TNRC6C: variants seen among roughly 807,000 people sequenced by gnomAD.
TNRC6C encodes trinucleotide repeat containing adaptor 6C, also known as trinucleotide repeat-containing gene 6C protein.
Under a neutral mutation model 153.7 loss-of-function variants are expected in TNRC6C, and 20 were observed. The observed-to-expected ratio is 0.13, with a 90% CI of 0.09 to 0.19. The LOEUF (loss-of-function observed/expected upper bound fraction) is 0.19, where lower values mean the gene tolerates loss of function less well. Ranked by LOEUF, TNRC6C falls within the 10% of genes least tolerant of loss-of-function variation. The probability of loss-of-function intolerance (pLI) is 1.00; values close to 1 mark genes in which losing one functional copy is unlikely to be tolerated. For missense variants in TNRC6C, 1,987 were observed against 2,172.0 expected (o/e 0.91, Z 1.69); for synonymous variants, 811 against 841.4 (o/e 0.96, Z 0.63).
chr17:77,992,857 A>C (rs2071272725), intron 1 of TNRC6C, among the ~76,000 whole-genome samples: 1 of 152,234 alleles, frequency 6.6e-6, no homozygotes, highest in African/African-American at 2.4e-5. Context: ...GAATTGAATC[A>C]AATAGTAAAA....
chr17:78,090,086 G>C (rs774885440), intron 13 of TNRC6C, among the ~76,000 whole-genome samples: 12 of 152,240 alleles, frequency 7.9e-5, no homozygotes, highest in Non-Finnish European at 1.5e-4. Context: ...AGGCAGCCCT[G>C]TGGCACTGAT....
At chr17:78,091,658 C>T (rs552158749) in intron 14 of TNRC6C, 51 bp downstream of exon 16, 143 of 1,382,286 alleles carry the variant, frequency 1.0e-4, no homozygotes, top group Non-Finnish European at 1.2e-4. Context: ...GCTTATTAAT[C>T]GATCGTCCTG....
chr17:78,084,818 A>G (rs1404177811), intron 11 of TNRC6C, among the ~76,000 whole-genome samples: 1 of 151,950 alleles, frequency 6.6e-6, no homozygotes, highest in East Asian at 1.9e-4. Context: ...TAGTAGAGAC[A>G]GGGTTTCACC....
At chr17:78,060,522 G>C (rs1445033851) in intron 3 of TNRC6C, among the ~76,000 whole-genome samples, 1 of 147,178 alleles carries the variant, frequency 6.8e-6, no homozygotes, top group Non-Finnish European at 1.5e-5. Flanking sequence ...GCCCAGGCTG[G>C]AGTGCAGTGG....
chr17:78,025,984 T>C (rs1329820962), intron 1 of TNRC6C, among the ~76,000 whole-genome samples: 1 of 152,172 alleles, frequency 6.6e-6, no homozygotes, highest in Non-Finnish European at 1.5e-5. Context: ...AACCTTTCAT[T>C]TCCAGATGAG....
At chr17:78,036,043 C>CA (rs1416097653) in intron 2 of TNRC6C, among the ~76,000 whole-genome samples, 5 of 152,062 alleles carry the variant, frequency 3.3e-5, no homozygotes, top group African/African-American at 7.2e-5. Context: ...AAAAGAAGTA[C>CA]AAATGCTGGG....
At position 78,075,724 on chromosome 17, in the gene TNRC6C, C is replaced by T. The variant is rs2073072765; in HGVS notation, c.3060+446C>T. Among the ~76,000 whole-genome samples, 1 of 152,240 alleles carries T rather than the reference C, an allele frequency of 6.6e-6. No homozygotes were observed. Among genetic ancestry groups the T allele is most frequent in the Non-Finnish European group, 1.5e-5 (1 of 68,036 alleles). On this transcript the variant is annotated intron_variant, in intron 8 of 19. Transcript: ENST00000301624. The surrounding 1 kb of genome is among the most constrained non-coding windows in gnomAD (Gnocchi z 4.2). ...CAGTTGGCCACATGAGTGACCACAGCTGGCATCTGTGGAAAACGCCCTGAA... is the reference window on the plus strand; with the variant it reads ...CAGTTGGCCACATGAGTGACCACAGTTGGCATCTGTGGAAAACGCCCTGAA...
intron 3 of TNRC6C, among the ~76,000 whole-genome samples, chr17:78,051,850 G>T (rs554646523): frequency 6.6e-6 from 1 of 152,298 alleles, no homozygotes; most frequent in Non-Finnish European, 1.5e-5. Context: ...AGATGACTGT[G>T]TCAGTTCACT....
intron 4 of TNRC6C, chr17:78,066,656 T>A (rs546946260): frequency 6.6e-6 from 1 of 152,210 alleles, no homozygotes; most frequent in Non-Finnish European, 1.5e-5. Flanking sequence ...TTTGGGGTAA[T>A]TTTGATACCG....
At chr17:77,976,829 T>C (rs1412874957) in intron 1 of TNRC6C, among the ~76,000 whole-genome samples, 1 of 147,498 alleles carries the variant, frequency 6.8e-6, no homozygotes, top group Non-Finnish European at 1.5e-5. Context: ...TTGGGGAGGC[T>C]GAGGCAGGAG....
chr17:78,097,693 A>C, intron 16 of TNRC6C, 52 bp from the exon 19 acceptor site: 1 of 1,350,042 alleles, frequency 7.4e-7, no homozygotes, highest in Non-Finnish European at 1.0e-6. Context: ...AGTTAGAGTC[A>C]TGAACCCGGA....
chr17:77,968,822 A>G (rs1414961745), intron 1 of TNRC6C, among the ~76,000 whole-genome samples: 1 of 152,238 alleles, frequency 6.6e-6, no homozygotes, highest in African/African-American at 2.4e-5. Flanking sequence ...GAACACTCAC[A>G]AAAGTTCTCA....
At chr17:78,043,651 T>C (rs1264346966) in intron 2 of TNRC6C, among the ~76,000 whole-genome samples, 1 of 152,228 alleles carries the variant, frequency 6.6e-6, no homozygotes, top group Non-Finnish European at 1.5e-5. Flanking sequence ...CCTGTTATGC[T>C]AGTAATTACT....
intron 5 of TNRC6C, among the ~76,000 whole-genome samples, chr17:78,068,479 C>G (rs576478481): frequency 8.5e-5 from 13 of 152,180 alleles, no homozygotes; most frequent in Non-Finnish European, 1.9e-4. Context: ...AAGTTTGAGA[C>G]AGATGGTTAA....
chr17:78,009,326 T>A (rs2071580077), intron 1 of TNRC6C, among the ~76,000 whole-genome samples: 1 of 152,132 alleles, frequency 6.6e-6, no homozygotes, highest in Non-Finnish European at 1.5e-5. Flanking sequence ...GAGCCTAAGT[T>A]TTCAGTATTG....
chr17:78,006,491 CTTTCTT>C (rs1197124052), intron 1 of TNRC6C, among the ~76,000 whole-genome samples: 9 of 134,714 alleles, frequency 6.7e-5, no homozygotes, highest in Non-Finnish European at 1.1e-4. Context: ...TCTTCTTCTT[CTTTCTT>C]CTTCTTCTTC....
At chr17:77,969,988 C>T (rs1373320434) in intron 1 of TNRC6C, among the ~76,000 whole-genome samples, 1 of 152,148 alleles carries the variant, frequency 6.6e-6, no homozygotes, top group East Asian at 1.9e-4. Context: ...CATGTAAGAG[C>T]AGCATATGAA....
chr17:77,997,662 T>A (rs1027521532), intron 1 of TNRC6C, among the ~76,000 whole-genome samples: 8 of 152,026 alleles, frequency 5.3e-5, no homozygotes, highest in Non-Finnish European at 1.0e-4. Context: ...TTGTTTTTTT[T>A]TTTTATTTTT....
intron 19 of TNRC6C, 139 bp downstream of exon 22, chr17:78,103,692 G>A (rs2073637924): frequency 7.9e-7 from 1 of 1,262,722 alleles, no homozygotes; most frequent in African/African-American, 1.5e-5. Context: ...TCTGGAGGCT[G>A]GAAGTCTGAT....
Sources: allele counts gnomAD v4.1 joint callset (sites outside exome capture counted in the v4.1 genomes callset), GRCh38; gene constraint gnomAD v4.1.1; non-coding constraint Gnocchi (gnomAD v3.1); transcripts MANE v1.5; gene names NCBI Gene and HGNC (gene_info 2026-07-23, HGNC 2026-07-21).